The following PPFIBP2 variants were observed in gnomAD, a reference collection of about 807,000 sequenced individuals.
PPFIBP2 encodes liprin-beta-2.
PPFIBP2 carries 118 observed loss-of-function variants against 118.3 expected under a neutral mutation model. The observed-to-expected ratio is 1.00, with a 90% confidence interval of 0.86 to 1.16. PPFIBP2 has a LOEUF of 1.16. Ranked by LOEUF, PPFIBP2 falls within the 50% of genes most tolerant of loss-of-function variation. The pLI is 0.00. For synonymous variants in PPFIBP2, 414 were observed against 397.4 expected (o/e 1.04, Z -0.50); for missense variants, 1,195 against 1,073.1 (o/e 1.11, Z -1.59).
chr11:7,667,205 T>C, the PPFIBP2 span: 1 of 152,232 alleles, frequency 6.6e-6, no homozygotes, highest in Non-Finnish European at 1.5e-5. Context: ...ATCACCATAT[T>C]ATTTAGAACT....
At position 7,605,960 on chromosome 11, in the gene PPFIBP2, TG is replaced by T. The variant is rs1446905157; in HGVS notation, c.487-4328del. ...ATGTGAAGCCAGAGTGGATACTGAA[TG>T]GGAAAGTTAATAACAAGGATGTGGA... On this transcript the variant is annotated intron_variant, in intron 5 of 23. Coordinates refer to ENST00000299492, the MANE Select transcript of PPFIBP2 (RefSeq NM_003621.5). The T allele has an allele frequency of 2.6e-6, 4 of 1,534,014 alleles. No homozygotes were observed. The African/African-American group carries it at 5.5e-5, about 21-fold the overall frequency.
At chr11:7,665,154 T>G in the PPFIBP2 span, 1 of 444,778 alleles carries the variant, frequency 2.2e-6, no homozygotes. Context: ...GATACTGAAA[T>G]GGAGCTCTTT....
chr11:7,621,553 C>T (rs1849357236), intron 7 of PPFIBP2, among the ~76,000 whole-genome samples: 3 of 152,168 alleles, frequency 2.0e-5, no homozygotes, highest in Admixed American at 6.5e-5. Flanking sequence ...ATAATAAATT[C>T]TATTGTGAAA....
At chr11:7,584,351 A>G (rs982289703) in intron 3 of PPFIBP2, among the ~76,000 whole-genome samples, 7 of 152,202 alleles carry the variant, frequency 4.6e-5, no homozygotes, top group Non-Finnish European at 8.8e-5. Context: ...CATCAGCAAT[A>G]CTTAACCTCC....
chr11:7,665,584 C>G, the PPFIBP2 span: 1 of 1,555,370 alleles, frequency 6.4e-7, no homozygotes, highest in South Asian at 1.3e-5. Context: ...CTGAGCGATG[C>G]CAGGTGGAGT....
chr11:7,641,187 T>A, intron 15 of PPFIBP2: 1 of 921,590 alleles, frequency 1.1e-6, no homozygotes, highest in Non-Finnish European at 1.5e-6. Flanking sequence ...CATCTCCCTC[T>A]GAGGAAAAAG....
chr11:7,519,606 G>T (rs1849555329), intron 1 of PPFIBP2, among the ~76,000 whole-genome samples: 1 of 152,162 alleles, frequency 6.6e-6, no homozygotes, highest in Admixed American at 6.5e-5. Flanking sequence ...CAGCCTAGAG[G>T]GCTGTTTTTT....
chr11:7,522,225 C>T (rs1426330525), intron 1 of PPFIBP2, among the ~76,000 whole-genome samples: 4 of 152,040 alleles, frequency 2.6e-5, no homozygotes, highest in Non-Finnish European at 2.9e-5. Flanking sequence ...CCAAGAAATC[C>T]GGCAGGATTT....
intron 3 of PPFIBP2, among the ~76,000 whole-genome samples, chr11:7,590,901 T>A (rs1859143279): frequency 6.6e-6 from 1 of 152,216 alleles, no homozygotes; most frequent in Non-Finnish European, 1.5e-5. Flanking sequence ...ACGTGAAGTT[T>A]CTCCCTTGCT....
intron 3 of PPFIBP2, among the ~76,000 whole-genome samples, chr11:7,574,352 A>C (rs1208768925): frequency 1.3e-5 from 2 of 152,124 alleles, no homozygotes; most frequent in Non-Finnish European, 2.9e-5. Context: ...ACACCACCTC[A>C]CAGGAGCAGT....
At chr11:7,555,187 G>A (rs1021164424) in intron 2 of PPFIBP2, among the ~76,000 whole-genome samples, 7 of 152,170 alleles carry the variant, frequency 4.6e-5, no homozygotes, top group African/African-American at 1.4e-4. Context: ...GGGGACCAGA[G>A]AGCCACGTGG....
intron 5 of PPFIBP2, among the ~76,000 whole-genome samples, chr11:7,600,244 CAT>C (rs1861188023): frequency 6.6e-6 from 1 of 152,224 alleles, no homozygotes. Flanking sequence ...ATCTTCCACT[CAT>C]GTGTTCGCTG....
At chr11:7,566,857 A>G (rs1283703976) in intron 3 of PPFIBP2, among the ~76,000 whole-genome samples, 1 of 152,192 alleles carries the variant, frequency 6.6e-6, no homozygotes, top group Non-Finnish European at 1.5e-5. Flanking sequence ...AGGTTAAAAA[A>G]TAGTTCCCAT....
At chr11:7,517,362 G>C (rs867714300) in intron 1 of PPFIBP2, among the ~76,000 whole-genome samples, 6 of 152,232 alleles carry the variant, frequency 3.9e-5, no homozygotes, top group Middle Eastern at 3.4e-3. Context: ...GCAACTGAGG[G>C]TGTGGAAATA....
intron 1 of PPFIBP2, among the ~76,000 whole-genome samples, chr11:7,519,463 C>T (rs1590089274): frequency 5.3e-5 from 8 of 152,200 alleles, no homozygotes; most frequent in South Asian, 4.1e-4. Context: ...ACTGTAAAGT[C>T]GAATGTTTCA....
chr11:7,617,733 A>G lies in PPFIBP2; in HGVS notation c.619-3202A>G, dbSNP rs1050361567. 2.6e-5 allele frequency among the ~76,000 whole-genome samples: 4 copies of G among 152,106 alleles called. 1 individual carries two copies. The South Asian group carries it at 8.3e-4, about 31-fold the overall frequency. On this transcript the variant is annotated intron_variant, in intron 6 of 23. Transcript: ENST00000299492. Reference sequence around the variant, plus strand: ...TATGAAAAAGAATCCTTTCAAGTTTATGTTCAAAGAGGTTTACCCCCAGTG... The same window carrying G: ...TATGAAAAAGAATCCTTTCAAGTTTGTGTTCAAAGAGGTTTACCCCCAGTG...
At chr11:7,545,003 C>CG (rs1852186338) in intron 1 of PPFIBP2, among the ~76,000 whole-genome samples, 1 of 152,106 alleles carries the variant, frequency 6.6e-6, no homozygotes, top group Admixed American at 6.5e-5. Flanking sequence ...AGACACTGAA[C>CG]GCACTGCATG....
intron 6 of PPFIBP2, among the ~76,000 whole-genome samples, chr11:7,618,093 G>T (rs1322685359): frequency 6.6e-6 from 1 of 152,196 alleles, no homozygotes; most frequent in Non-Finnish European, 1.5e-5. Context: ...TCTGTAGGAA[G>T]TTACTATGGT....
At position 7,641,559 on chromosome 11, in the gene PPFIBP2, C is replaced by CA. The variant is rs770850207; in HGVS notation, c.1457dup (p.Ser487ValfsTer8). 2 of 1,613,986 alleles carry CA rather than the reference C, an allele frequency of 1.2e-6. No homozygotes were observed. Among genetic ancestry groups the CA allele is most frequent in the South Asian group, 1.1e-5 (1 of 91,084 alleles). ...ATCATCGGGCACTGAATCAGGTCCT[C>CA]AGTCTCCTCTGACACCAGATGGTAA... On this transcript the variant is annotated frameshift_variant, in exon 16 of 24. Coordinates refer to ENST00000299492, the MANE Select transcript of PPFIBP2 (RefSeq NM_003621.5). LOFTEE classifies it high-confidence loss of function.
Sources: gnomAD v4.1 joint callset for allele counts (sites outside exome capture counted in the v4.1 genomes callset) on GRCh38, gnomAD v4.1.1 for gene constraint, MANE v1.5 for transcripts, NCBI Gene and HGNC (gene_info 2026-07-23, HGNC 2026-07-21) for gene names.